The following RELCH variants were observed in gnomAD, a reference collection of about 807,000 sequenced individuals.
The protein encoded by RELCH is RAB11 binding and LisH domain, coiled-coil and HEAT repeat containing.
In RELCH, 41 loss-of-function variants were observed where a neutral mutation model predicts 150.3. The ratio of observed to expected loss-of-function variants is 0.27; its 90% CI spans 0.21 to 0.35. The LOEUF (loss-of-function observed/expected upper bound fraction) is 0.35, where lower values mean the gene tolerates loss of function less well. Ranked by LOEUF, RELCH falls within the 10% of genes least tolerant of loss-of-function variation. The pLI, the probability that RELCH is intolerant of heterozygous loss-of-function variation, is 1.00. For missense variants in RELCH, 1,092 were observed against 1,467.8 expected (o/e 0.74, Z 4.18); for synonymous variants, 478 against 531.8 (o/e 0.90, Z 1.39).
In RELCH at chr18:62,187,683, C is replaced by T. The variant is rs779613986; in HGVS notation, c.178C>T (p.Pro60Ser). The change falls in exon 1 of 29, where the codon CCC becomes TCC. Residue 60 changes from proline to serine, a missense_variant. Pro to Ser is a moderately conservative substitution (Grantham distance 74). Coordinates refer to ENST00000644646, the MANE Select transcript of RELCH (RefSeq NM_001346231.2). ...TGCGGGCTCGCTGTCGCCACAGGATCCCGTGGCCTTAGGAAGCAGTGCGCG... is the reference window on the plus strand; with the variant it reads ...TGCGGGCTCGCTGTCGCCACAGGATTCCGTGGCCTTAGGAAGCAGTGCGCG... Reference protein sequence around the residue: ...GSAGSLSPQDPVALGSSARPG... With the variant: ...GSAGSLSPQDSVALGSSARPG... 2 of 1,583,618 alleles carry T rather than the reference C, an allele frequency of 1.3e-6. No homozygotes were observed. Among genetic ancestry groups the T allele is most frequent in the Non-Finnish European group, 1.7e-6 (2 of 1,161,288 alleles).
rs2042625377 is a variant in RELCH at position 62,250,151 on chromosome 18, T to G, written c.1734-2513T>G. Among the ~76,000 whole-genome samples, 4 of 152,198 alleles carry G rather than the reference T, an allele frequency of 2.6e-5. No individual in the cohort carries two copies. The South Asian group carries it at 8.3e-4, about 31-fold the overall frequency. On this transcript the variant is annotated intron_variant, in intron 11 of 28. Transcript: ENST00000644646. ...TGTTGTTAATAACCTGTGGGCCTTC[T>G]AATCTTTTCTGTTTTGGACTGTATT...
At chr18:62,188,337 A>G (rs1394007243) in intron 1 of RELCH, among the ~76,000 whole-genome samples, 2 of 152,158 alleles carry the variant, frequency 1.3e-5, no homozygotes, top group African/African-American at 2.4e-5. Flanking sequence ...GTTCCCTTTT[A>G]TACTAGTTTA....
intron 5 of RELCH, among the ~76,000 whole-genome samples, chr18:62,225,892 C>A (rs187024212): frequency 1.3e-5 from 2 of 151,702 alleles, no homozygotes; most frequent in East Asian, 3.9e-4. Context: ...TTACAAAAAC[C>A]CTAAGAGATA....
intron 2 of RELCH, among the ~76,000 whole-genome samples, chr18:62,212,344 C>T (rs537058678): frequency 1.3e-5 from 2 of 152,262 alleles, no homozygotes; most frequent in South Asian, 4.1e-4. Context: ...ATGGAGAAAG[C>T]AGACAGACAT....
Position 62,261,494 on chromosome 18 carries a change from A to G in RELCH, c.2203-17A>G. The G allele has an allele frequency of 3.1e-6, 5 of 1,607,584 alleles. No homozygotes were observed. The highest frequency in any genetic ancestry group is 1.7e-4 in the Middle Eastern group (1 of 6,012). ...CTTCAAAAGACTAAAATTAGCTTCC[A>G]CCTCCTTATGTTTCAGGAAGGAGAA... On this transcript the variant is annotated splice_polypyrimidine_tract_variant and intron_variant, in intron 15 of 28. Transcript: ENST00000644646.
chr18:62,188,963 T>G (rs2148144067), intron 1 of RELCH, among the ~76,000 whole-genome samples: 1 of 152,332 alleles, frequency 6.6e-6, no homozygotes, highest in Middle Eastern at 3.4e-3. Context: ...TATAGAATTT[T>G]TAAACTGCAG....
At chr18:62,270,245 G>A (rs1321133814) in intron 20 of RELCH, among the ~76,000 whole-genome samples, 2 of 152,178 alleles carry the variant, frequency 1.3e-5, no homozygotes, top group African/African-American at 4.8e-5. Context: ...CCTGGAATTA[G>A]CACAACATGG....
At position 62,258,072 on chromosome 18, in the gene RELCH, C is replaced by A; in HGVS notation, c.2021C>A (p.Pro674Gln). The change falls in exon 14 of 29, where the codon CCA (proline) becomes CAA (glutamine). Residue 674 changes from proline (P) to glutamine (Q), a missense_variant. Transcript: ENST00000644646. ...LGIIMGYIDD[P>Q]DKYHQGFELL... is the part of the protein sequence containing the mutation. ...ATCATTATGGGATACATTGATGATCCAGACAAATATCATCAGGTATGTTTT... is the reference window on the plus strand; with the variant it reads ...ATCATTATGGGATACATTGATGATCAAGACAAATATCATCAGGTATGTTTT... 1 of 1,599,800 alleles carries A rather than the reference C, an allele frequency of 6.3e-7. No homozygotes were observed. Among genetic ancestry groups the A allele is most frequent in the Admixed American group, 1.7e-5 (1 of 57,700 alleles).
chr18:62,228,134 G>C (rs553986033), intron 7 of RELCH, among the ~76,000 whole-genome samples, 171 bp from the exon 8 acceptor site: 1 of 152,064 alleles, frequency 6.6e-6, no homozygotes, highest in Non-Finnish European at 1.5e-5. Flanking sequence ...ACAGTTTTAG[G>C]TATATGAAGC....
At chr18:62,280,515 T>A (rs1447059367) in intron 23 of RELCH, 131 bp from the exon 24 acceptor site, 29 of 1,433,842 alleles carry the variant, frequency 2.0e-5, no homozygotes, top group East Asian at 4.6e-5. Flanking sequence ...CTGCTTTTTT[T>A]AAATTTATTT....
At chr18:62,238,534 C>G (rs2148468527) in intron 10 of RELCH, among the ~76,000 whole-genome samples, 1 of 152,154 alleles carries the variant, frequency 6.6e-6, no homozygotes, top group East Asian at 1.9e-4. Flanking sequence ...TAAAAGATTA[C>G]TTCAAGTAGC....
At chr18:62,189,426 A>T (rs1249444934) in intron 1 of RELCH, among the ~76,000 whole-genome samples, 1 of 151,828 alleles carries the variant, frequency 6.6e-6, no homozygotes, top group East Asian at 1.9e-4. Flanking sequence ...AACACTTTCA[A>T]ACCTCCATCA....
intron 20 of RELCH, among the ~76,000 whole-genome samples, chr18:62,270,933 T>C (rs1600173509): frequency 6.6e-6 from 1 of 152,072 alleles, no homozygotes; most frequent in African/African-American, 2.4e-5. Context: ...CTCAGAATGA[T>C]GGTTTCCAGC....
chr18:62,242,756 G>C lies in RELCH; in HGVS notation c.1621-2008G>C, dbSNP rs148085693. On this transcript the variant is annotated intron_variant, in intron 10 of 28. Coordinates refer to ENST00000644646, the MANE Select transcript of RELCH (RefSeq NM_001346231.2). Reference sequence around the variant, plus strand: ...AAAGCAAAAGAAAGTAAAATATAAGGCGTAAAGGATAAAGAGCAACACAGT... The same window carrying C: ...AAAGCAAAAGAAAGTAAAATATAAGCCGTAAAGGATAAAGAGCAACACAGT... Among the ~76,000 whole-genome samples, 284 of 152,200 alleles carry C rather than the reference G, an allele frequency of 1.9e-3. 6 individuals carry two copies. The highest frequency in any genetic ancestry group is 0.014 in the East Asian group (71 of 5,184).
At chr18:62,234,876 G>T (rs1470804363) in intron 10 of RELCH, 1 of 151,734 alleles carries the variant, frequency 6.6e-6, no homozygotes, top group African/African-American at 2.4e-5. Context: ...CTTTCATCCT[G>T]TAGGTTTTCT....
intron 1 of RELCH, among the ~76,000 whole-genome samples, chr18:62,210,120 G>A (rs2040065728): frequency 6.6e-6 from 1 of 152,130 alleles, no homozygotes; most frequent in Non-Finnish European, 1.5e-5. Flanking sequence ...TGAGGAATCA[G>A]CAGTCATTCA....
intron 13 of RELCH, 80 bp from the exon 14 acceptor site, chr18:62,257,868 C>A: frequency 9.3e-7 from 1 of 1,071,266 alleles, no homozygotes. Flanking sequence ...TGGATTTTGA[C>A]CACACTGATG....
chr18:62,233,856 T>TTGAA (rs1355906626), intron 10 of RELCH, among the ~76,000 whole-genome samples: 3 of 151,980 alleles, frequency 2.0e-5, no homozygotes, highest in South Asian at 2.1e-4. Context: ...ATTAAAATGA[T>TTGAA]TGTACTGCAT....
At chr18:62,218,616 C>G (rs1205893537) in intron 2 of RELCH, among the ~76,000 whole-genome samples, 4 of 151,922 alleles carry the variant, frequency 2.6e-5, no homozygotes, top group African/African-American at 7.2e-5. Context: ...TTCAACTAAT[C>G]TGGAGTTGCT....
Sources: gnomAD v4.1 joint callset for allele counts (sites outside exome capture counted in the v4.1 genomes callset) on GRCh38, gnomAD v4.1.1 for gene constraint, MANE v1.5 for transcripts, NCBI Gene and HGNC (gene_info 2026-07-23, HGNC 2026-07-21) for gene names.